The following ERICH6B variants were observed in gnomAD, a reference collection of about 807,000 sequenced individuals.
The protein encoded by ERICH6B is glutamate rich 6B.
Under a neutral mutation model 80.0 loss-of-function variants are expected in ERICH6B, and 69 were observed. That is an observed-to-expected ratio of 0.86 (90% CI 0.71 to 1.05). The LOEUF (loss-of-function observed/expected upper bound fraction) is 1.05, where lower values mean the gene tolerates loss of function less well. Among genes scored for constraint, ERICH6B ranks in the 50% least tolerant of loss-of-function variants. The pLI is 0.00. For synonymous variants in ERICH6B, 283 were observed against 291.9 expected (o/e 0.97, Z 0.31); for missense variants, 754 against 796.1 (o/e 0.95, Z 0.64).
intron 11 of ERICH6B, among the ~76,000 whole-genome samples, chr13:45,561,159 G>A (rs1874656358): frequency 6.6e-6 from 1 of 152,130 alleles, no homozygotes; most frequent in African/African-American, 2.4e-5. Flanking sequence ...TAGAGACCCT[G>A]CAGGCAGAAG....
chr13:45,587,639 G>C (rs1356907843), intron 4 of ERICH6B, among the ~76,000 whole-genome samples: 1 of 152,194 alleles, frequency 6.6e-6, no homozygotes, highest in Non-Finnish European at 1.5e-5. Flanking sequence ...TTAAAATCAA[G>C]CAGTGAGGTC....
intron 8 of ERICH6B, among the ~76,000 whole-genome samples, chr13:45,574,527 G>A (rs540611844): frequency 5.3e-5 from 8 of 152,300 alleles, no homozygotes; most frequent in African/African-American, 1.9e-4. Context: ...GGCCTGCAGA[G>A]ATGGGAGAGA....
intron 9 of ERICH6B, 53 bp downstream of exon 9, chr13:45,568,262 C>T (rs2137984931): frequency 6.8e-7 from 1 of 1,471,076 alleles, no homozygotes; most frequent in African/African-American, 1.4e-5. Context: ...CTGCTGCCAC[C>T]TCTGGCATAC....
At chr13:45,592,288 A>G (rs933245225) in intron 3 of ERICH6B, among the ~76,000 whole-genome samples, 2 of 152,264 alleles carry the variant, frequency 1.3e-5, no homozygotes, top group Non-Finnish European at 2.9e-5. Flanking sequence ...CATTGGAGGC[A>G]GAAGAAACCA....
At chr13:45,563,853 C>T (rs1471387244) in intron 9 of ERICH6B, 65 bp from the exon 10 acceptor site, 3 of 1,313,924 alleles carry the variant, frequency 2.3e-6, no homozygotes, top group Non-Finnish European at 2.1e-6. Context: ...CCATCACACA[C>T]AGTGCAGACA....
chr13:45,554,648 T>C (rs1230221402), intron 11 of ERICH6B, among the ~76,000 whole-genome samples: 3 of 152,218 alleles, frequency 2.0e-5, no homozygotes, highest in Admixed American at 1.3e-4. Flanking sequence ...CTGGGAAATA[T>C]ATAACAAACA....
At chr13:45,571,213 G>T (rs1324995167) in intron 8 of ERICH6B, among the ~76,000 whole-genome samples, 1 of 152,124 alleles carries the variant, frequency 6.6e-6, no homozygotes. Flanking sequence ...GACATACTTT[G>T]TCACCTGGAC....
chr13:45,593,966 G>A (rs1876260875), intron 3 of ERICH6B, among the ~76,000 whole-genome samples: 1 of 152,196 alleles, frequency 6.6e-6, no homozygotes, highest in African/African-American at 2.4e-5. Context: ...CCATGTATAT[G>A]TGAGTGTGAC....
chr13:45,593,766 A>C (rs544303440), intron 3 of ERICH6B, among the ~76,000 whole-genome samples: 1 of 152,368 alleles, frequency 6.6e-6, no homozygotes, highest in South Asian at 2.1e-4. Flanking sequence ...TGTGGCAGAC[A>C]TCACTAGTTG....
At chr13:45,553,689 C>T (rs1429939387) in intron 11 of ERICH6B, among the ~76,000 whole-genome samples, 1 of 152,102 alleles carries the variant, frequency 6.6e-6, no homozygotes, top group Non-Finnish European at 1.5e-5. Context: ...AGAAGAGAGC[C>T]AGGCTCCAGC....
At chr13:45,548,731 G>A (rs773287269) in intron 13 of ERICH6B, among the ~76,000 whole-genome samples, 1 of 152,114 alleles carries the variant, frequency 6.6e-6, no homozygotes, top group Non-Finnish European at 1.5e-5. Context: ...GTAATTAACT[G>A]AATTTCTTGC....
intron 11 of ERICH6B, among the ~76,000 whole-genome samples, chr13:45,550,525 T>G (rs1242022161): frequency 6.6e-6 from 1 of 151,844 alleles, no homozygotes; most frequent in Non-Finnish European, 1.5e-5. Flanking sequence ...GATTTTAAAC[T>G]GTCATTTCAA....
At chr13:45,613,269 T>C (rs1279542761) in intron 1 of ERICH6B, among the ~76,000 whole-genome samples, 2 of 152,158 alleles carry the variant, frequency 1.3e-5, no homozygotes, top group Admixed American at 1.3e-4. Flanking sequence ...GAACTGTACC[T>C]GAATCTCTCC....
chr13:45,598,996 C>T (rs913482341), intron 2 of ERICH6B, among the ~76,000 whole-genome samples: 21 of 152,226 alleles, frequency 1.4e-4, no homozygotes, highest in African/African-American at 1.2e-4. Context: ...TCCACAAGTG[C>T]CATCTCCATC....
At chr13:45,563,647 A>G in intron 10 of ERICH6B, 80 bp downstream of exon 10, 2 of 1,265,340 alleles carry the variant, frequency 1.6e-6, no homozygotes, top group Non-Finnish European at 2.3e-6. Context: ...CCTTCTTTAC[A>G]GTACATGCAG....
intron 8 of ERICH6B, among the ~76,000 whole-genome samples, chr13:45,570,475 G>A (rs1475545502): frequency 6.6e-6 from 1 of 152,162 alleles, no homozygotes; most frequent in Non-Finnish European, 1.5e-5. Flanking sequence ...ATTAAAAATA[G>A]CAATGAGTCA....
chr13:45,548,317 T>C (rs1874069146), intron 13 of ERICH6B, among the ~76,000 whole-genome samples: 1 of 152,204 alleles, frequency 6.6e-6, no homozygotes, highest in African/African-American at 2.4e-5. Flanking sequence ...ATTCTAGCAG[T>C]TAGGGTCGTG....
intron 1 of ERICH6B, 34 bp from the exon 2 acceptor site, chr13:45,607,649 G>C (rs1303751202): frequency 6.6e-6 from 1 of 152,276 alleles, no homozygotes; most frequent in Non-Finnish European, 1.5e-5. Context: ...TAGTTATCCA[G>C]GAAGTTGGGC....
chr13:45,581,504 G>A (rs946137942), intron 5 of ERICH6B, among the ~76,000 whole-genome samples: 1 of 152,168 alleles, frequency 6.6e-6, no homozygotes, highest in African/African-American at 2.4e-5. Context: ...AGCCTCCTGA[G>A]TAGCTGGGAC....
Sources: allele counts gnomAD v4.1 joint callset (sites outside exome capture counted in the v4.1 genomes callset), GRCh38; gene constraint gnomAD v4.1.1; transcripts MANE v1.5; gene names NCBI Gene and HGNC (gene_info 2026-07-23, HGNC 2026-07-21).